The following CRHR2 variants were observed in gnomAD, a reference collection of about 807,000 sequenced individuals.
CRHR2 encodes the protein corticotropin releasing hormone receptor 2.
CRHR2 carries 53 observed loss-of-function variants against 57.9 expected under a neutral mutation model. The ratio of observed to expected loss-of-function variants is 0.92; its 90% CI spans 0.73 to 1.15. The LOEUF is 1.15. Ranked by LOEUF, CRHR2 falls within the 50% of genes most tolerant of loss-of-function variation. CRHR2 has a pLI of 0.00. For missense variants in CRHR2, 532 were observed against 542.6 expected, an observed-to-expected ratio of 0.98 and a Z score of 0.19; for synonymous variants, 213 against 220.9, an observed-to-expected ratio of 0.96 and a Z score of 0.32.
At chr7:30,674,221 G>A (rs1347694483) in intron 2 of CRHR2, among the ~76,000 whole-genome samples, 1 of 152,196 alleles carries the variant, frequency 6.6e-6, no homozygotes, top group Non-Finnish European at 1.5e-5. Flanking sequence ...ATGAAAAAGG[G>A]AAGGGGGAGT....
In CRHR2 at chr7:30,654,881, C is replaced by T. The variant is rs1017332892; in HGVS notation, c.1095+158G>A. 5 of 1,550,320 alleles carry T rather than the reference C, an allele frequency of 3.2e-6. No individual in the cohort carries two copies. In the African/African-American group the frequency reaches 6.8e-5, roughly 21 times the overall value. ...TTGACCTTCTAAACTGGCTCCAGCCCCTGTGAGAAGGATTCCTGTTCCCCT... is the reference window on the plus strand; with the variant it reads ...TTGACCTTCTAAACTGGCTCCAGCCTCTGTGAGAAGGATTCCTGTTCCCCT... On this transcript the variant is annotated intron_variant, in intron 11 of 11. Transcript: ENST00000471646.
At chr7:30,679,231 A>G (rs982693129) in intron 2 of CRHR2, among the ~76,000 whole-genome samples, 5 of 152,202 alleles carry the variant, frequency 3.3e-5, no homozygotes, top group African/African-American at 1.2e-4. Flanking sequence ...GGCCGGAGGT[A>G]TGAGTCTTCT....
At chr7:30,655,345 C>T (rs12701020) in intron 10 of CRHR2, among the ~76,000 whole-genome samples, 17,947 of 152,210 alleles carry the variant, frequency 0.12, 1,451 homozygotes, top group Non-Finnish European at 0.16. Context: ...GTTGGGCTGC[C>T]TGCATCCTCA....
chr7:30,655,885 C>T lies in CRHR2; in HGVS notation c.917+42G>A, dbSNP rs750606138. ...AAGCAGGGGGACGGCCCGATGACCTCCTCCTGTCCCCATTGTGGGGTCAAG... is the reference window on the plus strand; with the variant it reads ...AAGCAGGGGGACGGCCCGATGACCTTCTCCTGTCCCCATTGTGGGGTCAAG... On this transcript the variant is annotated intron_variant, in intron 9 of 11. Transcript: ENST00000471646. The T allele has an allele frequency of 8.1e-6, 13 of 1,607,986 alleles. No homozygotes were observed. In the Admixed American group the frequency reaches 1.5e-4, roughly 19 times the overall value.
Position 30,653,448 on chromosome 7 carries a change from G to A in CRHR2, c.*12C>T. ...GAGGACAGGGGAGCTGTGCAGGTGGGCGACCGAGGGGTCACACAGCGGCCG... is the reference window on the plus strand; with the variant it reads ...GAGGACAGGGGAGCTGTGCAGGTGGACGACCGAGGGGTCACACAGCGGCCG... On this transcript the variant is annotated 3_prime_UTR_variant, in exon 12 of 12. Coordinates refer to ENST00000471646, the MANE Select transcript of CRHR2 (RefSeq NM_001883.5). The surrounding 1 kb of genome is among the most constrained non-coding windows in gnomAD (Gnocchi z 5.0). 1.9e-6 allele frequency: 3 copies of A among 1,612,042 alleles called. No individual in the cohort carries two copies. Among genetic ancestry groups the A allele is most frequent in the Non-Finnish European group, 2.5e-6 (3 of 1,179,112 alleles).
At chr7:30,691,185 C>G (rs995570597) in intron 1 of CRHR2, among the ~76,000 whole-genome samples, 2 of 152,208 alleles carry the variant, frequency 1.3e-5, no homozygotes, top group Non-Finnish European at 2.9e-5. Context: ...AGTGAGGGCT[C>G]TAGGTCTGAC....
chr7:30,654,816 C>T, intron 11 of CRHR2: 2 of 1,539,712 alleles, frequency 1.3e-6, no homozygotes, highest in Non-Finnish European at 1.7e-6. Context: ...GCTCTGAGTG[C>T]ACATGTGGGG....
upstream of CRHR2, among the ~76,000 whole-genome samples, chr7:30,687,276 T>C (rs1440774731): frequency 6.6e-6 from 1 of 152,106 alleles, no homozygotes; most frequent in African/African-American, 2.4e-5. Context: ...ACATCCACCA[T>C]CCGGTCATGG....
intron 1 of CRHR2, among the ~76,000 whole-genome samples, chr7:30,696,789 T>C (rs1240340936): frequency 3.9e-5 from 6 of 152,062 alleles, no homozygotes; most frequent in Admixed American, 1.3e-4. Context: ...GAAGTGACTG[T>C]AGATAAACTA....
At chr7:30,684,959 T>TGGGTTCCCAGGGCTGGCC (rs1436232861), upstream of CRHR2, among the ~76,000 whole-genome samples, 2 of 152,220 alleles carry the variant, frequency 1.3e-5, no homozygotes, top group Non-Finnish European at 2.9e-5. Flanking sequence ...GGGATAGTGA[T>TGGGTTCCCAGGGCTGGCC]GGGTTCCCAG....
chr7:30,672,694 G>T (rs1355344350), intron 2 of CRHR2, among the ~76,000 whole-genome samples: 1 of 152,248 alleles, frequency 6.6e-6, no homozygotes, highest in African/African-American at 2.4e-5. Flanking sequence ...AACCCCACAT[G>T]GGGGAGGGGT....
In CRHR2 at chr7:30,656,492, T is replaced by C. The variant is rs947134133; in HGVS notation, c.832-480A>G. 7.2e-5 allele frequency among the ~76,000 whole-genome samples: 11 copies of C among 152,178 alleles called. No individual in the cohort carries two copies. Among genetic ancestry groups the C allele is most frequent in the African/African-American group, 2.2e-4 (9 of 41,448 alleles). On this transcript the variant is annotated intron_variant, in intron 8 of 11. Transcript: ENST00000471646. This position sits in a 1 kb window ranked among gnomAD's most constrained non-coding sequence, Gnocchi z 4.4. ...CCATGGTGGGGCGGACAAGGCCAGA[T>C]GGAGGGATTAAGAACTCAGTTGCCG...
chr7:30,656,028 G>C lies in CRHR2; in HGVS notation c.832-16C>G, dbSNP rs1403486485. On this transcript the variant is annotated splice_polypyrimidine_tract_variant and intron_variant, in intron 8 of 11. Coordinates refer to ENST00000471646, the MANE Select transcript of CRHR2 (RefSeq NM_001883.5). This position sits in a 1 kb window ranked among gnomAD's most constrained non-coding sequence, Gnocchi z 4.4. ...CGAAATTGATCTGGAGGGAGGGCGG[G>C]CATGGGAAAGAGGGAAAAGGAAGGA... The C allele has an allele frequency of 1.3e-6, 2 of 1,595,208 alleles. No individual in the cohort carries two copies. The highest frequency in any genetic ancestry group is 1.7e-6 in the Non-Finnish European group (2 of 1,163,202).
chr7:30,660,901 T>G (rs990305190), intron 7 of CRHR2, among the ~76,000 whole-genome samples: 5 of 152,218 alleles, frequency 3.3e-5, no homozygotes, highest in Admixed American at 3.3e-4. Flanking sequence ...CCTCCTCTTT[T>G]ACCTGCCCCA....
chr7:30,673,264 C>A (rs1784421176), intron 2 of CRHR2, among the ~76,000 whole-genome samples: 1 of 151,778 alleles, frequency 6.6e-6, no homozygotes, highest in South Asian at 2.1e-4. Context: ...GGTTGGGGGG[C>A]AGTGGTGTGA....
Position 30,665,309 on chromosome 7 carries a change from C to A in CRHR2, c.426-122G>T. The A allele has an allele frequency of 1.1e-6, 1 of 908,732 alleles. No individual in the cohort carries two copies. The highest frequency in any genetic ancestry group is 1.7e-6 in the Non-Finnish European group (1 of 573,246). 56.3% of individuals were successfully genotyped at this position (908,732 alleles called of 1,614,324 possible). A position where few individuals can be genotyped will look rare whatever the true frequency, so the allele number is the denominator to read the frequency against. The stretch of plus-strand genomic sequence containing the variant: ...CAGGGCTGCACTAGGAGCCACTTCC[C>A]ACCCATGGTGGCCACAGTTGGGCCT... On this transcript the variant is annotated intron_variant, in intron 4 of 11. Transcript: ENST00000471646. This position sits in a 1 kb window ranked among gnomAD's most constrained non-coding sequence, Gnocchi z 4.5.
intron 3 of CRHR2, 50 bp downstream of exon 3, chr7:30,667,178 T>C: frequency 6.4e-7 from 1 of 1,550,858 alleles, no homozygotes; most frequent in Non-Finnish European, 8.9e-7. Context: ...TCAACCTGAG[T>C]CCAAATACCT....
chr7:30,678,722 C>A (rs1419624194), intron 2 of CRHR2, among the ~76,000 whole-genome samples: 1 of 152,220 alleles, frequency 6.6e-6, no homozygotes, highest in African/African-American at 2.4e-5. Context: ...TCCTCAAAGT[C>A]AACACATCCC....
intron 1 of CRHR2, among the ~76,000 whole-genome samples, chr7:30,696,066 T>G (rs1339621938): frequency 2.0e-5 from 3 of 152,204 alleles, no homozygotes; most frequent in Non-Finnish European, 2.9e-5. Flanking sequence ...AAACATCGCA[T>G]GTTATCACTT....
Sources: gnomAD v4.1 joint callset for allele counts (sites outside exome capture counted in the v4.1 genomes callset) on GRCh38, gnomAD v4.1.1 for gene constraint, Gnocchi (gnomAD v3.1) non-coding constraint, MANE v1.5 for transcripts, NCBI Gene and HGNC (gene_info 2026-07-23, HGNC 2026-07-21) for gene names.